The following LUZP2 variants were observed in gnomAD, a reference collection of about 807,000 sequenced individuals.
The protein encoded by LUZP2 is leucine zipper protein 2.
Under a neutral mutation model 51.6 loss-of-function variants are expected in LUZP2, and 52 were observed. The observed-to-expected ratio is 1.01, with a 90% CI of 0.81 to 1.27. The LOEUF (loss-of-function observed/expected upper bound fraction) is 1.27. Among genes scored for constraint, LUZP2 ranks in the 50% most tolerant of loss-of-function variants. The pLI is 0.00. For missense variants in LUZP2, 436 were observed against 395.4 expected (o/e 1.10, Z -0.87); for synonymous variants, 154 against 137.3 (o/e 1.12, Z -0.85).
intron 7 of LUZP2, among the ~76,000 whole-genome samples, chr11:24,958,249 G>C (rs1315746513): frequency 6.6e-6 from 1 of 152,096 alleles, no homozygotes; most frequent in Non-Finnish European, 1.5e-5. Flanking sequence ...ATGATTTATA[G>C]TCCTTTGGGT....
At chr11:24,503,121 A>G (rs1166503962) in intron 1 of LUZP2, among the ~76,000 whole-genome samples, 2 of 152,244 alleles carry the variant, frequency 1.3e-5, no homozygotes, top group African/African-American at 4.8e-5. Flanking sequence ...AAGGGATCTT[A>G]TACTAAGTCA....
intron 5 of LUZP2, among the ~76,000 whole-genome samples, chr11:24,835,963 A>G (rs1449592578): frequency 1.3e-5 from 2 of 152,044 alleles, no homozygotes; most frequent in African/African-American, 4.8e-5. Flanking sequence ...CTGAAGGAAG[A>G]TTAAAAAATT....
At chr11:24,918,793 A>G (rs890171379) in intron 7 of LUZP2, among the ~76,000 whole-genome samples, 1 of 147,126 alleles carries the variant, frequency 6.8e-6, no homozygotes, top group Non-Finnish European at 1.5e-5. Flanking sequence ...TGTATGAATT[A>G]TATCTGCCTG....
At chr11:24,904,657 G>A (rs549067965) in intron 5 of LUZP2, among the ~76,000 whole-genome samples, 1 of 152,156 alleles carries the variant, frequency 6.6e-6, no homozygotes, top group African/African-American at 2.4e-5. Flanking sequence ...GTTCTAGATA[G>A]TAACCTTTGT....
chr11:24,715,804 T>G (rs377013977), intron 1 of LUZP2, among the ~76,000 whole-genome samples: 1 of 152,328 alleles, frequency 6.6e-6, no homozygotes, highest in African/African-American at 2.4e-5. Context: ...TCATTGTTAA[T>G]GTTTGCATAT....
intron 5 of LUZP2, among the ~76,000 whole-genome samples, 183 bp from the exon 6 acceptor site, chr11:24,905,808 T>G (rs1249967139): frequency 6.6e-6 from 1 of 152,190 alleles, no homozygotes; most frequent in Non-Finnish European, 1.5e-5. Flanking sequence ...ATGCCAAATT[T>G]TAATTGAATA....
chr11:24,611,350 T>G lies in LUZP2; in HGVS notation c.62+114045T>G, dbSNP rs181910171. Among the ~76,000 whole-genome samples the G allele has an allele frequency of 1.3e-5, 2 of 152,128 alleles. No homozygotes were observed. Among genetic ancestry groups the G allele is most frequent in the East Asian group, 3.9e-4 (2 of 5,076 alleles). On this transcript the variant is annotated intron_variant, in intron 1 of 11. Coordinates refer to ENST00000336930, the MANE Select transcript of LUZP2 (RefSeq NM_001009909.4). This position sits in a 1 kb window ranked among gnomAD's most constrained non-coding sequence, Gnocchi z 4.6. The stretch of plus-strand genomic sequence containing the variant: ...ATGTATATATCTAATTCATTTGATC[T>G]TCATAAAATTAACTGAGATAAGTAC...
intron 4 of LUZP2, among the ~76,000 whole-genome samples, chr11:24,752,661 G>A (rs747346630): frequency 6.7e-6 from 1 of 148,464 alleles, no homozygotes; most frequent in African/African-American, 2.5e-5. Context: ...CAATTATGGT[G>A]AGAACAAAAT....
At chr11:24,608,043 G>C (rs1853992472) in intron 1 of LUZP2, among the ~76,000 whole-genome samples, 1 of 151,962 alleles carries the variant, frequency 6.6e-6, no homozygotes, top group East Asian at 1.9e-4. Context: ...TAGAGACGGG[G>C]TTTCACCGTG....
rs116442452 is a variant in LUZP2 at position 24,951,730 on chromosome 11, T to A, written c.523-24861T>A. On this transcript the variant is annotated intron_variant, in intron 7 of 11. Transcript: ENST00000336930. ...TCCAGTTGTACAATTTGGGAGGTAG[T>A]TTTTTGTTGCAGAGGAAGAAAATCT... Among the ~76,000 whole-genome samples the A allele has an allele frequency of 4.0e-3, 614 of 151,706 alleles. 2 individuals are homozygous for A. The highest frequency in any genetic ancestry group is 0.014 in the African/African-American group (576 of 41,502).
chr11:25,014,687 C>G (rs1857092661), intron 9 of LUZP2, among the ~76,000 whole-genome samples: 1 of 152,018 alleles, frequency 6.6e-6, no homozygotes, highest in Admixed American at 6.6e-5. Context: ...AAATTTTCTC[C>G]CATTCTGTAG....
intron 5 of LUZP2, among the ~76,000 whole-genome samples, chr11:24,826,190 A>AAAATATAT (rs1215786412): frequency 1.8e-3 from 122 of 67,564 alleles, no homozygotes; most frequent in Admixed American, 3.3e-3. Context: ...AAAAAAAAAA[A>AAAATATAT]ATATATATAT....
intron 7 of LUZP2, among the ~76,000 whole-genome samples, chr11:24,970,523 T>A (rs2133894909): frequency 6.6e-6 from 1 of 152,284 alleles, no homozygotes; most frequent in East Asian, 1.9e-4. Flanking sequence ...AAGAGTTATT[T>A]CAGAATCATT....
chr11:24,892,421 TA>T, intron 5 of LUZP2: 1 of 978,166 alleles, frequency 1.0e-6, no homozygotes, highest in Non-Finnish European at 1.2e-6. Flanking sequence ...TAGCACTTAT[TA>T]TAAAAATTAA....
chr11:24,505,085 A>G (rs1379003417), intron 1 of LUZP2, among the ~76,000 whole-genome samples: 1 of 152,158 alleles, frequency 6.6e-6, no homozygotes, highest in Non-Finnish European at 1.5e-5. Context: ...ACTAGTTTTC[A>G]GAGCTAAGGT....
chr11:24,874,704 T>C (rs1290038820), intron 5 of LUZP2, among the ~76,000 whole-genome samples: 1 of 152,162 alleles, frequency 6.6e-6, no homozygotes, highest in Non-Finnish European at 1.5e-5. Context: ...TGCAGACTCA[T>C]GGAGTGTGGG....
At position 25,046,356 on chromosome 11, in the gene LUZP2, G is replaced by A. The variant is rs544479963; in HGVS notation, c.766-3682G>A. ...TTGATTCAGTTCTAAACATAATACT[G>A]TTGTAGAGCGGATGCATAATAAATA... On this transcript the variant is annotated intron_variant, in intron 9 of 11. Transcript: ENST00000336930. Among the ~76,000 whole-genome samples the A allele has an allele frequency of 6.2e-4, 95 of 152,156 alleles. 4 individuals are homozygous for A. In the South Asian group the frequency reaches 0.019, roughly 31 times the overall value.
At chr11:24,778,444 A>C (rs572556566) in intron 5 of LUZP2, among the ~76,000 whole-genome samples, 1 of 152,132 alleles carries the variant, frequency 6.6e-6, no homozygotes, top group Non-Finnish European at 1.5e-5. Flanking sequence ...ACAAACAAAT[A>C]AAATTTATAC....
chr11:24,927,678 C>T lies in LUZP2; in HGVS notation c.522+13140C>T, dbSNP rs183799471. Among the ~76,000 whole-genome samples, 5 of 152,130 alleles carry T rather than the reference C, an allele frequency of 3.3e-5. No individual in the cohort carries two copies. In the East Asian group the frequency reaches 9.7e-4, roughly 29 times the overall value. ...AGTTTGAAGTCAGGTAATGTGGTGCCTCCAGATTTGTTCTTTTTGCTTAGT... is the reference window on the plus strand; with the variant it reads ...AGTTTGAAGTCAGGTAATGTGGTGCTTCCAGATTTGTTCTTTTTGCTTAGT... On this transcript the variant is annotated intron_variant, in intron 7 of 11. Transcript: ENST00000336930.
Sources: allele counts gnomAD v4.1 joint callset (sites outside exome capture counted in the v4.1 genomes callset), GRCh38; gene constraint gnomAD v4.1.1; non-coding constraint Gnocchi (gnomAD v3.1); transcripts MANE v1.5; gene names NCBI Gene and HGNC (gene_info 2026-07-23, HGNC 2026-07-21).